TMEM67: variants seen among roughly 807,000 people sequenced by gnomAD.
The protein encoded by TMEM67 is transmembrane protein 67.
TMEM67 carries 124 observed loss-of-function variants against 136.6 expected under a neutral mutation model. The ratio of observed to expected loss-of-function variants is 0.91; its 90% confidence interval spans 0.78 to 1.05. The LOEUF (loss-of-function observed/expected upper bound fraction) is 1.05. Ranked by LOEUF, TMEM67 falls within the 50% of genes least tolerant of loss-of-function variation. TMEM67 has a pLI of 0.00. For synonymous variants in TMEM67, 364 were observed against 390.5 expected, an observed-to-expected ratio of 0.93 and a Z score of 0.80; for missense variants, 1,107 against 1,178.4, an observed-to-expected ratio of 0.94 and a Z score of 0.89.
At chr8:93,827,579 CT>C in the TMEM67 span, among the ~76,000 whole-genome samples, 1,667 of 136,358 alleles carry the variant, frequency 0.012, 30 homozygotes, top group African/African-American at 0.038. Flanking sequence ...TGTATTTTTT[CT>C]TTTTTTTTTT....
chr8:93,803,710 C>T, intron 22 of TMEM67, 26 bp downstream of exon 22: 2 of 1,261,238 alleles, frequency 1.6e-6, no homozygotes, highest in South Asian at 2.4e-5. Context: ...CTTCATCTTG[C>T]AACTGTTACT....
At chr8:93,827,586 T>C in the TMEM67 span, among the ~76,000 whole-genome samples, 1 of 151,430 alleles carries the variant, frequency 6.6e-6, no homozygotes, top group East Asian at 1.9e-4. Context: ...TTTCTTTTTT[T>C]TTTTTTTGTA....
At position 93,816,552 on chromosome 8, in the gene TMEM67, A is replaced by C. The variant is rs1017725202; in HGVS notation, c.*100A>C. ...ATATTTTTTAAAACTTATAATGCAG[A>C]CTATTCTGTTTTTGTTTTTTATTTG... is the stretch of plus-strand genomic sequence containing the variant. On this transcript the variant is annotated 3_prime_UTR_variant, in exon 28 of 28. Transcript: ENST00000453321. 3.2e-6 allele frequency: 2 copies of C among 626,748 alleles called. No homozygotes were observed. Among genetic ancestry groups the C allele is most frequent in the Non-Finnish European group, 5.8e-6 (2 of 346,522 alleles). 38.8% of individuals were successfully genotyped at this position (626,748 alleles called of 1,614,324 possible).
chr8:93,804,712 T>C (rs765304308), intron 22 of TMEM67, 50 bp from the exon 23 acceptor site: 1 of 1,018,516 alleles, frequency 9.8e-7, no homozygotes, highest in Non-Finnish European at 1.5e-6. Context: ...TAATTTTTTA[T>C]TGTTTTGCAG....
chr8:93,762,841 A>C, intron 3 of TMEM67: 2 of 320,402 alleles, frequency 6.2e-6, no homozygotes, highest in South Asian at 4.7e-5. Flanking sequence ...GTTTGCATAA[A>C]TGTTTCATAC....
At chr8:93,821,864 C>T (rs1353227175), downstream of TMEM67, among the ~76,000 whole-genome samples, 1 of 152,120 alleles carries the variant, frequency 6.6e-6, no homozygotes, top group East Asian at 1.9e-4. Context: ...TGAACTCCAG[C>T]CTGCCTGGGT....
intron 9 of TMEM67, among the ~76,000 whole-genome samples, 175 bp from the exon 10 acceptor site, chr8:93,781,483 G>A (rs1480878003): frequency 6.6e-6 from 1 of 151,588 alleles, no homozygotes; most frequent in Non-Finnish European, 1.5e-5. Context: ...CAAAAAACCA[G>A]TCTAATTCTT....
intron 16 of TMEM67, 54 bp downstream of exon 16, chr8:93,793,350 C>A: frequency 2.1e-6 from 3 of 1,428,582 alleles, no homozygotes; most frequent in Non-Finnish European, 3.0e-6. Flanking sequence ...CATTCTGGAT[C>A]CTTCTCATAA....
intron 26 of TMEM67, among the ~76,000 whole-genome samples, chr8:93,814,168 A>G (rs1484093206): frequency 2.0e-5 from 2 of 101,334 alleles, no homozygotes; most frequent in African/African-American, 7.9e-5. Flanking sequence ...GAGACGTAGT[A>G]TTGCTCTGTT....
intron 4 of TMEM67, 54 bp from the exon 5 acceptor site, chr8:93,765,352 A>C (rs1813033262): frequency 2.2e-6 from 3 of 1,376,688 alleles, no homozygotes; most frequent in Non-Finnish European, 3.1e-6. Flanking sequence ...CTTTTCTATT[A>C]GGTTTAGTAT....
chr8:93,797,107 AG>A, intron 18 of TMEM67, 26 bp from the exon 19 acceptor site: 1 of 1,355,100 alleles, frequency 7.4e-7, no homozygotes, highest in Non-Finnish European at 1.1e-6. Flanking sequence ...GTACTTTTTC[AG>A]GTGTTTTATT....
chr8:93,813,780 T>C (rs562575890), intron 26 of TMEM67, among the ~76,000 whole-genome samples: 1 of 152,180 alleles, frequency 6.6e-6, no homozygotes, highest in East Asian at 1.9e-4. Flanking sequence ...GGGACCAGGT[T>C]GTAGGAGAAA....
chr8:93,810,536 C>T (rs567961446), intron 26 of TMEM67, among the ~76,000 whole-genome samples: 1 of 152,138 alleles, frequency 6.6e-6, no homozygotes, highest in South Asian at 2.1e-4. Context: ...GCTGGGATCA[C>T]TCCATTGCAC....
chr8:93,802,747 A>T (rs567753716), intron 21 of TMEM67, among the ~76,000 whole-genome samples: 1 of 152,306 alleles, frequency 6.6e-6, no homozygotes, highest in African/African-American at 2.4e-5. Flanking sequence ...CACATCCTTT[A>T]AAGAGGTTTA....
the TMEM67 span, among the ~76,000 whole-genome samples, chr8:93,831,572 GGTGA>G: frequency 1.3e-5 from 2 of 152,156 alleles, no homozygotes; most frequent in Non-Finnish European, 2.9e-5. Context: ...CAAGTGAACT[GGTGA>G]GTATCTAGTC....
intron 27 of TMEM67, among the ~76,000 whole-genome samples, 193 bp downstream of exon 27, chr8:93,815,640 A>T (rs1808877651): frequency 6.6e-6 from 1 of 152,226 alleles, no homozygotes; most frequent in South Asian, 2.1e-4. Context: ...AGGGTCAATG[A>T]AATACTGGGG....
At chr8:93,788,005 T>C (rs1431296937) in intron 14 of TMEM67, 56 bp downstream of exon 14, 2 of 1,336,412 alleles carry the variant, frequency 1.5e-6, no homozygotes, top group Non-Finnish European at 2.1e-6. Context: ...TAATACTGAT[T>C]CAGTTTACAT....
chr8:93,813,887 G>T (rs909601732), intron 26 of TMEM67, among the ~76,000 whole-genome samples: 4 of 152,198 alleles, frequency 2.6e-5, no homozygotes, highest in Admixed American at 2.0e-4. Flanking sequence ...TGTAAAACAG[G>T]TTTTTTAAGA....
Position 93,765,606 on chromosome 8 carries a change from T to C in TMEM67, c.611T>C (p.Phe204Ser). The change falls in exon 6 of 28, where the codon TTT (phenylalanine) becomes TCT (serine). Residue 204 changes from phenylalanine (F) to serine (S), a missense_variant. By Grantham distance (155) the Phe-to-Ser change is radical (BLOSUM62 -2). Around this residue, in one of 3 missense-constraint regions of TMEM67, gnomAD observed 925 missense variants for 1,002.4 expected, o/e 0.92. Coordinates refer to ENST00000453321, the MANE Select transcript of TMEM67 (RefSeq NM_153704.6). ...TTATGTTTCAGCAGCACAGGGAATTTTCCTCTACGTAGAATTTCAGCTGCA... is the reference window on the plus strand; with the variant it reads ...TTATGTTTCAGCAGCACAGGGAATTCTCCTCTACGTAGAATTTCAGCTGCA... Reference protein sequence around the residue: ...GGLCFSSTGNFPLRRISAARY... With the variant: ...GGLCFSSTGNSPLRRISAARY... The C allele has an allele frequency of 6.2e-7, 1 of 1,613,514 alleles. No homozygotes were observed. Among genetic ancestry groups the C allele is most frequent in the Non-Finnish European group, 8.5e-7 (1 of 1,179,446 alleles).
Sources: gnomAD v4.1 joint callset for allele counts (sites outside exome capture counted in the v4.1 genomes callset) on GRCh38, gnomAD v4.1.1 for gene constraint, gnomAD v4.1.1 regional missense constraint, MANE v1.5 for transcripts, NCBI Gene and HGNC (gene_info 2026-07-23, HGNC 2026-07-21) for gene names.